Variants in PRKCH observed in about 807,000 individuals in gnomAD.
PRKCH encodes the protein protein kinase C eta, also known as protein kinase C eta type.
Under a neutral mutation model 82.5 loss-of-function variants are expected in PRKCH, and 28 were observed. The ratio of observed to expected loss-of-function variants is 0.34; its 90% confidence interval spans 0.25 to 0.47. PRKCH has a LOEUF of 0.47. PRKCH is among the 20% of genes least tolerant of loss of function. The pLI, the probability that PRKCH is intolerant of heterozygous loss-of-function variation, is 1.00. For synonymous variants in PRKCH, 322 were observed against 327.4 expected, an observed-to-expected ratio of 0.98 and a Z score of 0.18; for missense variants, 705 against 881.8, an observed-to-expected ratio of 0.80 and a Z score of 2.54.
chr14:61,381,156 A>C (rs2046504225), intron 1 of PRKCH, among the ~76,000 whole-genome samples: 1 of 152,186 alleles, frequency 6.6e-6, no homozygotes, highest in Non-Finnish European at 1.5e-5. Flanking sequence ...TCTGTTTTTG[A>C]GATGCCGAAG....
chr14:61,550,029 T>G lies in PRKCH; in HGVS notation c.*198T>G. 1 of 535,204 alleles carries G rather than the reference T, an allele frequency of 1.9e-6. No individual in the cohort carries two copies. Among genetic ancestry groups the G allele is most frequent in the Non-Finnish European group, 3.2e-6 (1 of 309,634 alleles). 33.2% of individuals were successfully genotyped at this position (535,204 alleles called of 1,614,324 possible). On this transcript the variant is annotated 3_prime_UTR_variant, in exon 14 of 14. Transcript: ENST00000332981. ...CCAGAGGGAGCCATGGCACTAGAAA[T>G]AGTTGATAATGAAATGAGATTTTAT...
At chr14:61,319,184 C>T (rs1425481059), upstream of PRKCH, among the ~76,000 whole-genome samples, 1 of 152,212 alleles carries the variant, frequency 6.6e-6, no homozygotes, top group Non-Finnish European at 1.5e-5. Context: ...CCACGCCTTC[C>T]TCAGCTCCAG....
intron 1 of PRKCH, among the ~76,000 whole-genome samples, chr14:61,255,850 C>T (rs73310564): frequency 0.25 from 38,248 of 151,968 alleles, 5,384 homozygotes; most frequent in African/African-American, 0.38. Context: ...TAATACGATA[C>T]CCTAGAGTGA....
intron 2 of PRKCH, among the ~76,000 whole-genome samples, chr14:61,410,314 T>A: frequency 6.6e-6 from 1 of 152,230 alleles, no homozygotes; most frequent in Non-Finnish European, 1.5e-5. Flanking sequence ...AAGGTAAAAT[T>A]ACAATTTTGT....
Position 61,272,341 on chromosome 14 carries a change from TTTC to T in PRKCH, c.-19+84676_-19+84678del, listed in dbSNP as rs2045163600. Among the ~76,000 whole-genome samples the T allele has an allele frequency of 5.3e-4, 5 of 9,358 alleles. 1 individual carries two copies. Among genetic ancestry groups the T allele is most frequent in the East Asian group, 2.9e-3 (2 of 694 alleles). The allele number at this position is 9,358 out of a possible 152,430, so 6.1% of individuals were successfully genotyped here. A position where few individuals can be genotyped will look rare whatever the true frequency, so the allele number is the denominator to read the frequency against. ...AGATTTCTTTTTCTTTTCTTTTTTC[TTTC>T]TTTTTTTTTTTTTTTTTTTTTTTTT... On this transcript the variant is annotated intron_variant, in intron 1 of 3. Coordinates refer to the PRKCH transcript ENST00000555185.
chr14:61,398,511 A>G (rs1237214169), intron 2 of PRKCH, among the ~76,000 whole-genome samples: 1 of 152,224 alleles, frequency 6.6e-6, no homozygotes, highest in African/African-American at 2.4e-5. Flanking sequence ...CAGTAAATGA[A>G]GTTTGCTTGG....
intron 1 of PRKCH, among the ~76,000 whole-genome samples, chr14:61,335,800 C>T (rs1315844273): frequency 6.6e-6 from 1 of 152,174 alleles, no homozygotes; most frequent in African/African-American, 2.4e-5. Context: ...TAACATTTGC[C>T]TAAGTCACAT....
intron 10 of PRKCH, among the ~76,000 whole-genome samples, chr14:61,514,505 C>A (rs2042793645): frequency 6.6e-6 from 1 of 151,874 alleles, no homozygotes. Flanking sequence ...TTAGGTCATC[C>A]CCAAGACAGG....
At chr14:61,509,951 T>G (rs1887305330) in intron 10 of PRKCH, among the ~76,000 whole-genome samples, 1 of 151,960 alleles carries the variant, frequency 6.6e-6, no homozygotes, top group African/African-American at 2.4e-5. Context: ...CTATGAATGC[T>G]GATGGAGAGG....
In PRKCH at chr14:61,416,917, A is replaced by C. The variant is rs148950255; in HGVS notation, c.427+25629A>C. ...CCTGTCTCCAGGAAGCCCTTATGGG[A>C]GGAGGCTCTCAGAACTTAAATTGTG... On this transcript the variant is annotated intron_variant, in intron 2 of 13. Coordinates refer to ENST00000332981, the MANE Select transcript of PRKCH (RefSeq NM_006255.5). Among the ~76,000 whole-genome samples, 737 of 152,268 alleles carry C rather than the reference A, an allele frequency of 4.8e-3. 7 individuals are homozygous for C. Among genetic ancestry groups the C allele is most frequent in the African/African-American group, 0.016 (664 of 41,546 alleles).
At chr14:61,461,254 A>G (rs1885015499) in intron 9 of PRKCH, among the ~76,000 whole-genome samples, 1 of 152,000 alleles carries the variant, frequency 6.6e-6, no homozygotes, top group Admixed American at 6.6e-5. Context: ...CCTTGAAACG[A>G]CTTCCTTGGC....
intron 1 of PRKCH, among the ~76,000 whole-genome samples, chr14:61,250,198 C>G (rs2044932028): frequency 6.6e-6 from 1 of 150,612 alleles, no homozygotes; most frequent in South Asian, 2.1e-4. Flanking sequence ...TTGCAGTGAG[C>G]CGAACTCCAG....
chr14:61,281,398 G>T (rs912900701), intron 1 of PRKCH: 1 of 331,416 alleles, frequency 3.0e-6, no homozygotes, highest in Non-Finnish European at 5.7e-6. Context: ...GGGTCACCGG[G>T]AGCCGCACCT....
At chr14:61,279,907 C>G in intron 1 of PRKCH, 3 of 603,580 alleles carry the variant, frequency 5.0e-6, no homozygotes, top group Non-Finnish European at 5.8e-6. Flanking sequence ...ACATCCCTCC[C>G]CGCGGCAAGA....
chr14:61,311,091 C>T (rs928171034), intron 1 of PRKCH, among the ~76,000 whole-genome samples: 1 of 152,234 alleles, frequency 6.6e-6, no homozygotes, highest in African/African-American at 2.4e-5. Context: ...TCCTAGGCCT[C>T]CAGATCTGTG....
chr14:61,398,913 A>G (rs541442226), intron 2 of PRKCH, among the ~76,000 whole-genome samples: 174 of 152,366 alleles, frequency 1.1e-3, no homozygotes, highest in African/African-American at 3.9e-3. Context: ...CACAAATTAT[A>G]AAAGAAACAT....
intron 2 of PRKCH, among the ~76,000 whole-genome samples, chr14:61,401,891 A>T (rs1455787954): frequency 6.6e-6 from 1 of 152,254 alleles, no homozygotes; most frequent in Non-Finnish European, 1.5e-5. Context: ...TGAAAGAATG[A>T]CAGACAAACC....
Position 61,457,181 on chromosome 14 carries a change from C to T in PRKCH, c.966C>T (p.Leu322=), listed in dbSNP as rs967463657. Residue 322 remains leucine, a synonymous_variant, in exon 8 of 14, where the codon CTC becomes CTT. Transcript: ENST00000332981. ...QPGNISPTSK[L]VSRSTLRRQG... is the part of the protein sequence containing the mutation. The stretch of plus-strand genomic sequence containing the variant: ...ATGTGTTCTTACTCTTTCAGAAACT[C>T]GTTTCCAGATCGACCCTAAGACGAC... The T allele has an allele frequency of 1.2e-5, 19 of 1,613,902 alleles. No individual in the cohort carries two copies. Among genetic ancestry groups the T allele is most frequent in the South Asian group, 4.4e-5 (4 of 91,044 alleles).
chr14:61,372,745 A>T (rs2046378851), intron 1 of PRKCH, among the ~76,000 whole-genome samples: 1 of 152,078 alleles, frequency 6.6e-6, no homozygotes, highest in Admixed American at 6.5e-5. Flanking sequence ...CTCATGTCAT[A>T]GTCTGCATTT....
Sources: gnomAD v4.1 joint callset for allele counts (sites outside exome capture counted in the v4.1 genomes callset) on GRCh38, gnomAD v4.1.1 for gene constraint, MANE v1.5 for transcripts, NCBI Gene and HGNC (gene_info 2026-07-23, HGNC 2026-07-21) for gene names.